The following INSC variants were observed in gnomAD, a reference collection of about 807,000 sequenced individuals.
The protein encoded by INSC is protein inscuteable homolog.
In INSC, 67 loss-of-function variants were observed where a neutral mutation model predicts 58.6. The ratio of observed to expected loss-of-function variants is 1.14; its 90% CI spans 0.94 to 1.40. The LOEUF (loss-of-function observed/expected upper bound fraction) is 1.40, where lower values mean the gene tolerates loss of function less well. Among genes scored for constraint, INSC ranks in the 40% most tolerant of loss-of-function variants. The probability of loss-of-function intolerance (pLI) is 0.00; values close to 1 mark genes in which losing one functional copy is unlikely to be tolerated. For synonymous variants in INSC, 262 were observed against 276.1 expected, an observed-to-expected ratio of 0.95 and a Z score of 0.51; for missense variants, 714 against 692.0, an observed-to-expected ratio of 1.03 and a Z score of -0.36.
chr11:15,141,442 C>T (rs1036860038), intron 1 of INSC, among the ~76,000 whole-genome samples: 1 of 152,174 alleles, frequency 6.6e-6, no homozygotes, highest in Non-Finnish European at 1.5e-5. Context: ...GTCTCAGGTC[C>T]TGGAGAGGAT....
chr11:15,190,374 A>T (rs77852357), intron 5 of INSC, among the ~76,000 whole-genome samples: 2,004 of 152,338 alleles, frequency 0.013, 11 homozygotes, highest in Non-Finnish European at 0.02. Flanking sequence ...TTTTCTTATT[A>T]AGAACCAGTA....
At chr11:15,194,399 G>T (rs1321565486) in intron 6 of INSC, among the ~76,000 whole-genome samples, 1 of 152,150 alleles carries the variant, frequency 6.6e-6, no homozygotes, top group Non-Finnish European at 1.5e-5. Flanking sequence ...AGATACTTGT[G>T]CCCTACCCAA....
At chr11:15,213,076 G>T (rs1368416603) in intron 7 of INSC, among the ~76,000 whole-genome samples, 2 of 152,010 alleles carry the variant, frequency 1.3e-5, no homozygotes, top group East Asian at 3.9e-4. Context: ...CAACTTCCTT[G>T]TATTACAGAT....
intron 9 of INSC, among the ~76,000 whole-genome samples, chr11:15,226,829 A>C (rs1851659107): frequency 6.6e-6 from 1 of 151,846 alleles, no homozygotes; most frequent in Non-Finnish European, 1.5e-5. Context: ...TATTCCTCTT[A>C]ATTATTTCAT....
chr11:15,217,783 T>C (rs1235010069), intron 7 of INSC, among the ~76,000 whole-genome samples: 1 of 152,116 alleles, frequency 6.6e-6, no homozygotes, highest in Admixed American at 6.5e-5. Context: ...AAAATAATGA[T>C]ATTAAAAGTC....
intron 1 of INSC, among the ~76,000 whole-genome samples, chr11:15,131,642 A>G (rs1303729491): frequency 2.2e-4 from 33 of 152,144 alleles, no homozygotes; most frequent in Admixed American, 2.2e-3. Context: ...TCTTAAGACT[A>G]TGCTATTAGG....
chr11:15,230,737 A>T (rs1851895112), intron 9 of INSC, among the ~76,000 whole-genome samples: 1 of 152,230 alleles, frequency 6.6e-6, no homozygotes, highest in African/African-American at 2.4e-5. Context: ...CGGTGGGTTT[A>T]CAGCCCAACA....
intron 2 of INSC, among the ~76,000 whole-genome samples, chr11:15,173,435 T>C (rs1320729238): frequency 6.6e-6 from 1 of 152,084 alleles, no homozygotes; most frequent in African/African-American, 2.4e-5. Flanking sequence ...TGGGCAAATA[T>C]AAGGGAATGG....
the INSC span, among the ~76,000 whole-genome samples, chr11:15,255,073 T>C: frequency 6.6e-6 from 1 of 152,202 alleles, no homozygotes; most frequent in African/African-American, 2.4e-5. Context: ...TAGAAAGACT[T>C]TACATCTTGC....
At chr11:15,252,538 C>T in the INSC span, among the ~76,000 whole-genome samples, 1 of 152,284 alleles carries the variant, frequency 6.6e-6, no homozygotes, top group East Asian at 1.9e-4. Context: ...TCATTGGAGC[C>T]TCTCCGCAGG....
rs111784838 is a variant in INSC, at chr11:15,225,699, G to A, written c.1041G>A (p.Ala347=). The part of the protein sequence containing the change: ...SSGEVFLLAS[A]ALANITFFDT... The stretch of plus-strand genomic sequence containing the variant: ...GGGAAGTCTTCCTACTGGCCTCTGC[G>A]GCCCTTGCCAACATCACGTTCTTTG... The change falls in exon 9 of 13, where the codon GCG becomes GCA. Residue 347 remains alanine (A), a synonymous_variant. Transcript: ENST00000379556. 84 of 1,614,136 alleles carry A rather than the reference G, an allele frequency of 5.2e-5. No individual in the cohort carries two copies. Among genetic ancestry groups the A allele is most frequent in the African/African-American group, 3.2e-4 (24 of 75,032 alleles).
At chr11:15,203,821 AT>A (rs11306162) in intron 7 of INSC, among the ~76,000 whole-genome samples, 84,828 of 149,740 alleles carry the variant, frequency 0.57, 25,422 homozygotes, top group East Asian at 0.96. Context: ...GCTAAGAATG[AT>A]TTTTTTTTTT....
chr11:15,229,125 G>T (rs909539058), intron 9 of INSC, among the ~76,000 whole-genome samples: 2 of 152,102 alleles, frequency 1.3e-5, no homozygotes, highest in Admixed American at 6.5e-5. Context: ...GGACAATCTA[G>T]GATGGAAGAG....
In INSC at chr11:15,176,005, C is replaced by T. The variant is rs1238626126; in HGVS notation, c.321C>T (p.Ser107=). The T allele has an allele frequency of 3.7e-6, 6 of 1,600,626 alleles. No homozygotes were observed. The highest frequency in any genetic ancestry group is 2.3e-5 in the East Asian group (1 of 44,110). Residue 107 remains serine (S), a synonymous_variant, in exon 3 of 13, where the codon AGC becomes AGT. Transcript: ENST00000379556. Reference sequence around the variant, plus strand: ...GCTGGGCACGGGTGCACAGCATGAGCGTGCGTCTGACCTGCCATGCCCGCT... The same window carrying T: ...GCTGGGCACGGGTGCACAGCATGAGTGTGCGTCTGACCTGCCATGCCCGCT... The part of the protein sequence containing the change: ...QDRWARVHSM[S]VRLTCHARSM...
intron 6 of INSC, among the ~76,000 whole-genome samples, chr11:15,199,748 T>A (rs1850506799): frequency 1.3e-5 from 2 of 152,146 alleles, no homozygotes; most frequent in Admixed American, 1.3e-4. Flanking sequence ...CCAGTTCAGA[T>A]CAGTTGCTCA....
intron 1 of INSC, among the ~76,000 whole-genome samples, chr11:15,131,600 T>C (rs1216027713): frequency 6.6e-6 from 1 of 152,174 alleles, no homozygotes; most frequent in Non-Finnish European, 1.5e-5. Context: ...AGTTCATTTC[T>C]CCTTGAAGTT....
chr11:15,115,265 A>G (rs1255418337), intron 1 of INSC, among the ~76,000 whole-genome samples: 1 of 152,160 alleles, frequency 6.6e-6, no homozygotes, highest in Non-Finnish European at 1.5e-5. Flanking sequence ...AGTGGGCCAC[A>G]GGTATTTGCC....
intron 1 of INSC, among the ~76,000 whole-genome samples, chr11:15,139,373 C>T (rs948077811): frequency 6.6e-6 from 1 of 152,224 alleles, no homozygotes; most frequent in Non-Finnish European, 1.5e-5. Flanking sequence ...AGGTCTCTCA[C>T]TTTTGCAAAT....
chr11:15,248,139 C>T (rs1276447698), downstream of INSC, among the ~76,000 whole-genome samples: 3 of 152,140 alleles, frequency 2.0e-5, no homozygotes, highest in Non-Finnish European at 4.4e-5. Context: ...AGTAGAAGTG[C>T]CTGAAATGCA....
Sources: gnomAD v4.1 joint callset for allele counts (sites outside exome capture counted in the v4.1 genomes callset) on GRCh38, gnomAD v4.1.1 for gene constraint, MANE v1.5 for transcripts, NCBI Gene and HGNC (gene_info 2026-07-23, HGNC 2026-07-21) for gene names.